The following PODNL1 variants were observed in gnomAD, a reference collection of about 807,000 sequenced individuals.
The protein encoded by PODNL1 is podocan like 1, also known as podocan-like protein 1.
In PODNL1, 50 loss-of-function variants were observed where a neutral mutation model predicts 45.1. The observed-to-expected ratio is 1.11, with a 90% CI of 0.88 to 1.40. PODNL1 has a LOEUF of 1.40. PODNL1 is among the 40% of genes most tolerant of loss of function. The pLI is 0.00. For synonymous variants in PODNL1, 406 were observed against 372.5 expected, an observed-to-expected ratio of 1.09 and a Z score of -1.04; for missense variants, 788 against 793.3, an observed-to-expected ratio of 0.99 and a Z score of 0.08.
At chr19:13,941,563 C>A (rs1251167130), upstream of PODNL1, among the ~76,000 whole-genome samples, 2 of 152,066 alleles carry the variant, frequency 1.3e-5, no homozygotes, top group African/African-American at 4.8e-5. Context: ...GTAATTCCAG[C>A]ACTTTGGGAG....
At chr19:13,941,098 G>A (rs139538051), upstream of PODNL1, among the ~76,000 whole-genome samples, 1 of 152,096 alleles carries the variant, frequency 6.6e-6, no homozygotes, top group Non-Finnish European at 1.5e-5. Context: ...AAGGACGGTG[G>A]CTCACACCTG....
In PODNL1 at chr19:13,932,072, G is replaced by C. The variant is rs1382988918; in HGVS notation, c.1466C>G (p.Pro489Arg). The C allele has an allele frequency of 5.7e-6, 7 of 1,232,678 alleles. No homozygotes were observed. The highest frequency in any genetic ancestry group is 7.1e-6 in the Non-Finnish European group (7 of 988,386). 76.4% of individuals were successfully genotyped at this position (1,232,678 alleles called of 1,614,324 possible). A position where few individuals can be genotyped will look rare whatever the true frequency, so the allele number is the denominator to read the frequency against. ...CTCCTCTAGGGCCTCAGGCAGGTCC[G>C]GGGGCACAAAGGACAGCTCATTGTG... ...LSHNELSFVP[P>R]DLPEALEELH... The change falls in exon 9 of 10, where the codon CCG (proline) becomes CGG (arginine). Residue 489 changes from proline (P) to arginine (R), a missense_variant. Physicochemically the swap from Pro to Arg is moderately radical, Grantham distance 103. Around this residue, in one of 3 missense-constraint regions of PODNL1, gnomAD observed 762 missense variants for 750.9 expected, o/e 1.01. Coordinates refer to ENST00000588872, the MANE Select transcript of PODNL1 (RefSeq NM_001370095.3).
chr19:13,942,808 AC>A (rs1262025524), upstream of PODNL1, among the ~76,000 whole-genome samples: 1 of 151,376 alleles, frequency 6.6e-6, no homozygotes, highest in Non-Finnish European at 1.5e-5. Flanking sequence ...ACATGGTGAA[AC>A]CCCATGTCTA....
At chr19:13,949,800 C>G (rs1042463554) in intron 1 of PODNL1, among the ~76,000 whole-genome samples, 1 of 151,818 alleles carries the variant, frequency 6.6e-6, no homozygotes, top group Admixed American at 6.6e-5. Flanking sequence ...CTCGGGTGAT[C>G]CTCCCACCTC....
At position 13,948,713 on chromosome 19, in the gene PODNL1, G is replaced by C. The variant is rs186159812; in HGVS notation, c.18+4406C>G. The stretch of plus-strand genomic sequence containing the variant: ...TGGGAAGCCAAGGTGGGAGGATCAC[G>C]AGGTCAGGAGATCAAGACCATCCTG... On this transcript the variant is annotated intron_variant, in intron 1 of 7. Coordinates refer to the PODNL1 transcript ENST00000538371. 7.5e-4 allele frequency among the ~76,000 whole-genome samples: 107 copies of C among 142,640 alleles called. No homozygotes were observed. In the East Asian group the frequency reaches 0.02, roughly 27 times the overall value. 93.6% of individuals were successfully genotyped at this position (142,640 alleles called of 152,430 possible).
At position 13,931,528 on chromosome 19, in the gene PODNL1, T is replaced by G. The variant is rs944246889; in HGVS notation, c.*209A>C. 6 of 447,584 alleles carry G rather than the reference T, an allele frequency of 1.3e-5. No individual in the cohort carries two copies. The highest frequency in any genetic ancestry group is 2.0e-5 in the African/African-American group (1 of 49,530). 27.7% of individuals were successfully genotyped at this position (447,584 alleles called of 1,614,324 possible). ...CTCCATCTGTGTTGGGAGTTTGGGG[T>G]AGGGTGTGTCCCGCCAGGCCGGCGT... On this transcript the variant is annotated 3_prime_UTR_variant, in exon 10 of 10. Transcript: ENST00000588872.
At position 13,931,980 on chromosome 19, in the gene PODNL1, G is replaced by T. The variant is rs535811966; in HGVS notation, c.1558C>A (p.Arg520Ser). Residue 520 changes from arginine (R) to serine (S), a missense_variant, in exon 9 of 10, where the codon CGT (arginine) becomes AGT (serine). Arg to Ser is a moderately radical substitution (Grantham distance 110). Coordinates refer to ENST00000588872, the MANE Select transcript of PODNL1 (RefSeq NM_001370095.3). ...TCGGGGCACCTGAGGAAGAGGGCAC[G>T]CAGGCGGGGTGTGCTGAGGAAGGCC... ...PEAFLSTPRLRALFLRANRLH... is the reference protein window; with the variant it reads ...PEAFLSTPRLSALFLRANRLH... The T allele has an allele frequency of 2.9e-4, 353 of 1,232,272 alleles. 1 individual carries two copies. The highest frequency in any genetic ancestry group is 5.9e-4 in the Admixed American group (14 of 23,728). 76.3% of individuals were successfully genotyped at this position (1,232,272 alleles called of 1,614,324 possible). A position where few individuals can be genotyped will look rare whatever the true frequency, so the allele number is the denominator to read the frequency against.
chr19:13,931,754 G>A lies in PODNL1; in HGVS notation c.1708C>T (p.Arg570Trp), dbSNP rs540053532. 1.2e-5 allele frequency: 15 copies of A among 1,231,882 alleles called. No individual in the cohort carries two copies. In the Admixed American group the frequency reaches 1.3e-4, roughly 10 times the overall value. 76.3% of individuals were successfully genotyped at this position (1,231,882 alleles called of 1,614,324 possible). Residue 570 changes from arginine (R) to tryptophan (W), a missense_variant, in exon 10 of 10, where the codon CGG becomes TGG. Coordinates refer to ENST00000588872, the MANE Select transcript of PODNL1 (RefSeq NM_001370095.3). ...RLPPTTPRGP[R>W]AGGP ...CTCTAGGATCAGGGGCCCCCTGCCC[G>A]TGGCCCACGTGGGGTGGTGGGAGGC...
intron 1 of PODNL1, among the ~76,000 whole-genome samples, chr19:13,944,190 C>T (rs755838125): frequency 3.9e-4 from 60 of 151,908 alleles, no homozygotes; most frequent in Non-Finnish European, 7.8e-4. Context: ...GACAGAGTCT[C>T]GCTCTGTCAC....
At chr19:13,953,370 G>T (rs1973179539) in exon 1 of PODNL1, 2 of 487,282 alleles carry the variant, frequency 4.1e-6, no homozygotes, top group Admixed American at 7.9e-5. Context: ...TCTCCGTGAG[G>T]CTGGTAGCTT....
intron 1 of PODNL1, among the ~76,000 whole-genome samples, chr19:13,952,111 C>A (rs1166816369): frequency 6.6e-6 from 1 of 152,220 alleles, no homozygotes; most frequent in Non-Finnish European, 1.5e-5. Context: ...CAGCCCGGGG[C>A]TGAGGATTCT....
In PODNL1 at chr19:13,933,934, C is replaced by A. The variant is rs1169231815; in HGVS notation, c.711G>T (p.Glu237Asp). The change falls in exon 7 of 10, where the codon GAG (glutamate) becomes GAT (aspartate). Residue 237 changes from glutamate to aspartate, a missense_variant. Glu to Asp is a conservative substitution (Grantham distance 45). This residue lies in a region of PODNL1 where 762 missense variants were observed against 750.9 expected (regional missense o/e 1.01). Coordinates refer to ENST00000588872, the MANE Select transcript of PODNL1 (RefSeq NM_001370095.3). This position sits in a 1 kb window ranked among gnomAD's most constrained non-coding sequence, Gnocchi z 5.2. ...GALSRQTQLRELYLQHNQLTD... is the reference protein window; with the variant it reads ...GALSRQTQLRDLYLQHNQLTD... The stretch of plus-strand genomic sequence containing the variant: ...TCAGCTGGTTGTGCTGGAGGTAGAG[C>A]TCACGGAGTTGAGTCTGGCGGCTCA... 2 of 1,612,710 alleles carry A rather than the reference C, an allele frequency of 1.2e-6. No individual in the cohort carries two copies. The highest frequency in any genetic ancestry group is 8.5e-7 in the Non-Finnish European group (1 of 1,179,500).
chr19:13,950,901 C>T (rs1280867097), intron 1 of PODNL1, among the ~76,000 whole-genome samples: 3 of 151,440 alleles, frequency 2.0e-5, no homozygotes, highest in East Asian at 2.0e-4. Context: ...AAAGATTAGC[C>T]GGGCATGGTG....
chr19:13,935,020 G>A (rs947048022), intron 5 of PODNL1, among the ~76,000 whole-genome samples: 1 of 151,920 alleles, frequency 6.6e-6, no homozygotes, highest in Non-Finnish European at 1.5e-5. Context: ...GTGTGCATGT[G>A]GTTGGAAGTG....
chr19:13,944,154 A>AAATT (rs1425981221), intron 1 of PODNL1, among the ~76,000 whole-genome samples: 1 of 151,966 alleles, frequency 6.6e-6, no homozygotes. Flanking sequence ...TTTATTTATT[A>AAATT]AATTAATTAA....
chr19:13,939,331 C>T (rs955282586), upstream of PODNL1, among the ~76,000 whole-genome samples: 6 of 152,318 alleles, frequency 3.9e-5, 1 homozygote, highest in Admixed American at 3.9e-4. Flanking sequence ...CCCGCCTCAG[C>T]CTCCCAAGTA....
chr19:13,931,448 A>G lies in PODNL1; in HGVS notation c.*289T>C, dbSNP rs1057193. On this transcript the variant is annotated 3_prime_UTR_variant, in exon 10 of 10. Transcript: ENST00000588872. ...GGAGGAGTCCGTGGACAGAGCCCCCAAAGGGTGCCTGGTCCGTGCTGAGTG... is the reference window on the plus strand; with the variant it reads ...GGAGGAGTCCGTGGACAGAGCCCCCGAAGGGTGCCTGGTCCGTGCTGAGTG... The G allele has an allele frequency of 0.54, 179,745 of 332,030 alleles. 51,183 individuals carry two copies. Among genetic ancestry groups the G allele is most frequent in the African/African-American group, 0.78 (36,966 of 47,344 alleles). 20.6% of individuals were successfully genotyped at this position (332,030 alleles called of 1,614,324 possible).
Position 13,933,098 on chromosome 19 carries a change from C to T in PODNL1, c.1125G>A (p.Pro375=), listed in dbSNP as rs999002090. Residue 375 remains proline (P), a synonymous_variant, in exon 8 of 10, where the codon CCG becomes CCA. Coordinates refer to ENST00000588872, the MANE Select transcript of PODNL1 (RefSeq NM_001370095.3). The surrounding 1 kb of genome is among the most constrained non-coding windows in gnomAD (Gnocchi z 5.2). ...AGGCCAGGTTAAGCTCCGTCAGGCC[C>T]GGTGTGGCGACCAGGTCACGGGCAC... ...ALGARDLVAT[P]GLTELNLAYN... 2.0e-5 allele frequency: 31 copies of T among 1,529,600 alleles called. No individual in the cohort carries two copies. Among genetic ancestry groups the T allele is most frequent in the Admixed American group, 9.9e-5 (5 of 50,314 alleles). 94.8% of individuals were successfully genotyped at this position (1,529,600 alleles called of 1,614,324 possible). A position where few individuals can be genotyped will look rare whatever the true frequency, so the allele number is the denominator to read the frequency against.
chr19:13,940,650 A>T (rs943814484), upstream of PODNL1, among the ~76,000 whole-genome samples: 1 of 150,756 alleles, frequency 6.6e-6, no homozygotes, highest in African/African-American at 2.4e-5. Context: ...TGGGAGGCCG[A>T]GGTGGGCAGA....
Sources: gnomAD v4.1 joint callset for allele counts (sites outside exome capture counted in the v4.1 genomes callset) on GRCh38, gnomAD v4.1.1 for gene constraint, gnomAD v4.1.1 regional missense constraint, Gnocchi (gnomAD v3.1) non-coding constraint, MANE v1.5 for transcripts, NCBI Gene and HGNC (gene_info 2026-07-23, HGNC 2026-07-21) for gene names.